The following CNTN5 variants were observed in gnomAD, a reference collection of about 807,000 sequenced individuals.
The protein encoded by CNTN5 is contactin-5.
A neutral mutation model predicts 129.1 loss-of-function variants in CNTN5; 77 were observed. The observed-to-expected ratio is 0.60, with a 90% CI of 0.50 to 0.72. The LOEUF is 0.72. CNTN5 is among the 30% of genes least tolerant of loss of function. The pLI, the probability that CNTN5 is intolerant of heterozygous loss-of-function variation, is 0.00. For synonymous variants in CNTN5, 509 were observed against 465.6 expected (o/e 1.09, Z -1.20); for missense variants, 1,478 against 1,328.8 (o/e 1.11, Z -1.75).
intron 7 of CNTN5, among the ~76,000 whole-genome samples, chr11:99,950,844 T>C (rs890032222): frequency 6.6e-6 from 1 of 152,132 alleles, no homozygotes; most frequent in African/African-American, 2.4e-5. Flanking sequence ...ATTACAATAA[T>C]GAAAGAAGAT....
chr11:99,326,276 G>C (rs1591525900), intron 2 of CNTN5, among the ~76,000 whole-genome samples: 1 of 152,092 alleles, frequency 6.6e-6, no homozygotes, highest in African/African-American at 2.4e-5. Flanking sequence ...AACCAAGAAG[G>C]TCAATACACT....
chr11:99,363,369 T>G (rs189629106), intron 2 of CNTN5, among the ~76,000 whole-genome samples: 56 of 152,262 alleles, frequency 3.7e-4, no homozygotes, highest in Admixed American at 3.5e-3. Context: ...GTTGACAGAA[T>G]ATACTATTAA....
At chr11:99,469,138 C>T (rs912800315) in intron 2 of CNTN5, among the ~76,000 whole-genome samples, 2 of 151,908 alleles carry the variant, frequency 1.3e-5, no homozygotes, top group Admixed American at 6.6e-5. Flanking sequence ...TTTTAAATTC[C>T]CATATTCCCA....
intron 1 of CNTN5, among the ~76,000 whole-genome samples, chr11:99,268,105 G>A (rs979905881): frequency 6.6e-6 from 1 of 151,856 alleles, no homozygotes; most frequent in African/African-American, 2.4e-5. Context: ...TTTGGTTTTA[G>A]GCAAGTTACT....
intron 3 of CNTN5, among the ~76,000 whole-genome samples, chr11:99,753,119 CTTTTTTTTTTT>C (rs375324214): frequency 1.1e-5 from 1 of 93,110 alleles, no homozygotes; most frequent in East Asian, 3.7e-4. Flanking sequence ...GCCATATTTG[CTTTTTTTTTTT>C]TTTTTTTTTT....
At chr11:99,065,146 A>C (rs1300500625) in intron 1 of CNTN5, among the ~76,000 whole-genome samples, 1 of 148,764 alleles carries the variant, frequency 6.7e-6, no homozygotes, top group Non-Finnish European at 1.5e-5. Flanking sequence ...TTTTTTAATT[A>C]AATGCCTGTT....
intron 4 of CNTN5, among the ~76,000 whole-genome samples, chr11:99,822,415 A>C (rs1366676613): frequency 6.6e-6 from 1 of 152,212 alleles, no homozygotes; most frequent in Non-Finnish European, 1.5e-5. Context: ...AAAACTGTTA[A>C]AGTGAATAGA....
chr11:100,003,429 C>G (rs771455362), intron 9 of CNTN5, among the ~76,000 whole-genome samples: 1 of 152,038 alleles, frequency 6.6e-6, no homozygotes, highest in Non-Finnish European at 1.5e-5. Context: ...GTAAGAAGCT[C>G]AATACTGACA....
At position 99,470,429 on chromosome 11, in the gene CNTN5, A is replaced by G. The variant is rs182147758; in HGVS notation, c.-70-85716A>G. ...ATTTTGTATTCTAATAATTCTAGTA[A>G]TTCATCCAAGTTCATTTATATATTT... On this transcript the variant is annotated intron_variant, in intron 2 of 24. Transcript: ENST00000524871. 7.2e-5 allele frequency among the ~76,000 whole-genome samples: 11 copies of G among 152,240 alleles called. No individual in the cohort carries two copies. In the East Asian group the frequency reaches 2.1e-3, roughly 29 times the overall value.
At chr11:99,040,922 T>C (rs950013547) in intron 1 of CNTN5, among the ~76,000 whole-genome samples, 1 of 152,166 alleles carries the variant, frequency 6.6e-6, no homozygotes, top group Non-Finnish European at 1.5e-5. Flanking sequence ...TATTAAACTT[T>C]TGAAAACTGC....
At chr11:99,364,496 A>G (rs1689706800) in intron 2 of CNTN5, among the ~76,000 whole-genome samples, 2 of 152,090 alleles carry the variant, frequency 1.3e-5, no homozygotes, top group African/African-American at 4.8e-5. Flanking sequence ...GTCAGGGGAA[A>G]TGGATTAGAT....
intron 18 of CNTN5, among the ~76,000 whole-genome samples, chr11:100,288,509 C>T (rs1028806572): frequency 6.6e-6 from 1 of 152,200 alleles, no homozygotes; most frequent in African/African-American, 2.4e-5. Context: ...TGAATGACTA[C>T]TGGGTACACA....
intron 3 of CNTN5, among the ~76,000 whole-genome samples, chr11:99,716,619 A>G (rs556519819): frequency 6.6e-6 from 1 of 152,198 alleles, no homozygotes; most frequent in Admixed American, 6.6e-5. Context: ...ATCTCAAACT[A>G]CATGCAGCTC....
chr11:99,120,472 A>T (rs1858259827), intron 1 of CNTN5: 1 of 152,216 alleles, frequency 6.6e-6, no homozygotes, highest in African/African-American at 2.4e-5. Context: ...GCTGAGAAAG[A>T]CCAGAACAGT....
At chr11:99,269,966 G>A (rs1420467281) in intron 1 of CNTN5, among the ~76,000 whole-genome samples, 5 of 151,848 alleles carry the variant, frequency 3.3e-5, no homozygotes, top group South Asian at 4.1e-4. Context: ...GAAGAAAAAC[G>A]TAGACTTGGT....
intron 1 of CNTN5, among the ~76,000 whole-genome samples, chr11:99,227,886 A>C (rs912558760): frequency 6.6e-6 from 1 of 152,184 alleles, no homozygotes; most frequent in Non-Finnish European, 1.5e-5. Flanking sequence ...ACACTTAAAT[A>C]TACGTGAGTA....
chr11:99,327,037 G>A (rs1015922243), intron 2 of CNTN5, among the ~76,000 whole-genome samples: 9 of 151,998 alleles, frequency 5.9e-5, no homozygotes, highest in East Asian at 1.9e-4. Flanking sequence ...AATCATGGAC[G>A]CACCTTAACA....
intron 13 of CNTN5, among the ~76,000 whole-genome samples, chr11:100,122,695 G>A (rs1946065418): frequency 6.6e-6 from 1 of 151,952 alleles, no homozygotes; most frequent in Non-Finnish European, 1.5e-5. Flanking sequence ...CCATTCTGAT[G>A]GTGTAGTTAG....
intron 15 of CNTN5, among the ~76,000 whole-genome samples, chr11:100,217,696 G>T (rs1412515561): frequency 6.6e-6 from 1 of 152,124 alleles, no homozygotes; most frequent in Non-Finnish European, 1.5e-5. Context: ...GCAAAAATGT[G>T]TATTGTCTGT....
Sources: gnomAD v4.1 joint callset for allele counts (sites outside exome capture counted in the v4.1 genomes callset) on GRCh38, gnomAD v4.1.1 for gene constraint, MANE v1.5 for transcripts, NCBI Gene and HGNC (gene_info 2026-07-23, HGNC 2026-07-21) for gene names.